The following CTNNA3 variants were observed in gnomAD, a reference collection of about 807,000 sequenced individuals.
The protein encoded by CTNNA3 is catenin alpha-3.
Under a neutral mutation model 95.7 loss-of-function variants are expected in CTNNA3, and 76 were observed. The observed-to-expected ratio is 0.79, with a 90% CI of 0.66 to 0.96. CTNNA3 has a LOEUF of 0.96. CTNNA3 is among the 40% of genes least tolerant of loss of function. The probability of loss-of-function intolerance (pLI) is 0.00; values close to 1 mark genes in which losing one functional copy is unlikely to be tolerated. For synonymous variants in CTNNA3, 431 were observed against 374.4 expected (o/e 1.15, Z -1.74); for missense variants, 1,191 against 1,089.8 (o/e 1.09, Z -1.31).
At chr10:66,268,700 G>A (rs2091211556) in intron 13 of CTNNA3, among the ~76,000 whole-genome samples, 1 of 152,302 alleles carries the variant, frequency 6.6e-6, no homozygotes, top group East Asian at 1.9e-4. Context: ...TAGGCACAGA[G>A]GAAGAGGGCA....
chr10:66,791,217 T>C (rs975368799), intron 7 of CTNNA3, among the ~76,000 whole-genome samples: 7 of 152,198 alleles, frequency 4.6e-5, no homozygotes, highest in African/African-American at 1.7e-4. Flanking sequence ...CGGGTTCCCT[T>C]TGAAGGATTT....
chr10:66,967,546 C>T (rs1849500370), intron 7 of CTNNA3, among the ~76,000 whole-genome samples: 1 of 152,024 alleles, frequency 6.6e-6, no homozygotes, highest in Non-Finnish European at 1.5e-5. Flanking sequence ...CTTGCATCTG[C>T]ACCCTCTATA....
At chr10:66,461,701 AT>A (rs1035564830) in intron 11 of CTNNA3, among the ~76,000 whole-genome samples, 5 of 149,772 alleles carry the variant, frequency 3.3e-5, no homozygotes, top group Non-Finnish European at 7.4e-5. Context: ...ATATATATAT[AT>A]ATCAAGTGGA....
chr10:67,392,198 T>C (rs1181534074), intron 5 of CTNNA3, among the ~76,000 whole-genome samples: 2 of 151,878 alleles, frequency 1.3e-5, no homozygotes, highest in Non-Finnish European at 2.9e-5. Flanking sequence ...TGAACTCAAA[T>C]AAATTTACAA....
intron 17 of CTNNA3, among the ~76,000 whole-genome samples, chr10:65,959,045 T>A (rs914970214): frequency 6.6e-6 from 1 of 152,146 alleles, no homozygotes; most frequent in African/African-American, 2.4e-5. Context: ...CTCCACCCAG[T>A]TTGAGCTTCC....
intron 13 of CTNNA3, among the ~76,000 whole-genome samples, chr10:66,257,092 C>A (rs1420499315): frequency 6.6e-6 from 1 of 152,194 alleles, no homozygotes. Context: ...ATGCCAAGGA[C>A]AAGCTCTTCT....
At chr10:66,468,550 G>C (rs1319190387) in intron 11 of CTNNA3, among the ~76,000 whole-genome samples, 1 of 151,992 alleles carries the variant, frequency 6.6e-6, no homozygotes, top group Non-Finnish European at 1.5e-5. Flanking sequence ...CTAATGTGCA[G>C]CATGGTGGCT....
intron 12 of CTNNA3, among the ~76,000 whole-genome samples, chr10:66,365,318 A>C (rs541698807): frequency 1.3e-5 from 2 of 152,258 alleles, no homozygotes; most frequent in Admixed American, 6.5e-5. Context: ...TCTCACTCAT[A>C]AGTGGGAGTT....
At chr10:66,166,943 T>C (rs1243112353) in intron 13 of CTNNA3, among the ~76,000 whole-genome samples, 1 of 152,002 alleles carries the variant, frequency 6.6e-6, no homozygotes, top group African/African-American at 2.4e-5. Flanking sequence ...AGTGGAGCTT[T>C]GGAGATACAA....
At chr10:67,530,918 G>A (rs1840305211) in intron 4 of CTNNA3, among the ~76,000 whole-genome samples, 1 of 152,192 alleles carries the variant, frequency 6.6e-6, no homozygotes, top group Non-Finnish European at 1.5e-5. Flanking sequence ...GGCTGAAAGG[G>A]GCCAATGTCG....
chr10:67,302,126 A>C (rs1184841726), intron 5 of CTNNA3, among the ~76,000 whole-genome samples: 2 of 152,062 alleles, frequency 1.3e-5, no homozygotes, highest in Non-Finnish European at 2.9e-5. Flanking sequence ...AATAGGGTGA[A>C]CCTGGAGGAC....
intron 11 of CTNNA3, among the ~76,000 whole-genome samples, chr10:66,424,638 A>C (rs566673440): frequency 6.6e-6 from 1 of 152,090 alleles, no homozygotes; most frequent in Non-Finnish European, 1.5e-5. Context: ...TTGTGTTGAG[A>C]TAATGTAGTT....
chr10:66,738,466 C>A (rs993627221), intron 9 of CTNNA3, among the ~76,000 whole-genome samples: 2 of 152,166 alleles, frequency 1.3e-5, no homozygotes, highest in African/African-American at 4.8e-5. Flanking sequence ...TTAATCTCTT[C>A]TGTAGTGAAT....
intron 2 of CTNNA3, among the ~76,000 whole-genome samples, chr10:67,610,885 G>T (rs1228803669): frequency 6.6e-6 from 1 of 152,146 alleles, no homozygotes; most frequent in African/African-American, 2.4e-5. Flanking sequence ...GACTTCAGGG[G>T]TCCCTCTCAT....
intron 12 of CTNNA3, among the ~76,000 whole-genome samples, chr10:66,313,088 C>T (rs950404771): frequency 1.3e-5 from 2 of 152,176 alleles, no homozygotes; most frequent in African/African-American, 4.8e-5. Flanking sequence ...TATCTTCCCC[C>T]TTCCTTATTT....
intron 5 of CTNNA3, among the ~76,000 whole-genome samples, chr10:67,418,373 G>C (rs1285536347): frequency 6.6e-6 from 1 of 151,960 alleles, no homozygotes; most frequent in Non-Finnish European, 1.5e-5. Context: ...ATAACTTTTT[G>C]TCAAAGAGAT....
At chr10:66,461,960 G>A (rs2093532966) in intron 11 of CTNNA3, among the ~76,000 whole-genome samples, 1 of 151,064 alleles carries the variant, frequency 6.6e-6, no homozygotes, top group Admixed American at 6.6e-5. Flanking sequence ...TTACAGGTGC[G>A]TGCCACCACA....
intron 7 of CTNNA3, among the ~76,000 whole-genome samples, chr10:67,106,702 G>A (rs1194276033): frequency 2.6e-5 from 4 of 152,090 alleles, no homozygotes; most frequent in African/African-American, 9.7e-5. Context: ...CTGATATATT[G>A]AAAAACTGAC....
intron 7 of CTNNA3, among the ~76,000 whole-genome samples, chr10:66,970,436 T>C (rs1252923805): frequency 1.3e-5 from 2 of 150,270 alleles, no homozygotes; most frequent in East Asian, 3.9e-4. Flanking sequence ...CATGGTAATA[T>C]TACATTTGAG....
Sources: allele counts gnomAD v4.1 joint callset (sites outside exome capture counted in the v4.1 genomes callset), GRCh38; gene constraint gnomAD v4.1.1; transcripts MANE v1.5; gene names NCBI Gene and HGNC (gene_info 2026-07-23, HGNC 2026-07-21).